The following COMMD6 variants were observed in gnomAD, a reference collection of about 807,000 sequenced individuals.
COMMD6 encodes the protein COMM domain-containing protein 6.
Under a neutral mutation model 13.4 loss-of-function variants are expected in COMMD6, and 11 were observed. The ratio of observed to expected loss-of-function variants is 0.82; its 90% CI spans 0.52 to 1.36. The LOEUF (loss-of-function observed/expected upper bound fraction) is 1.36, where lower values mean the gene tolerates loss of function less well. COMMD6 is among the 40% of genes most tolerant of loss of function. The pLI is 0.00. For synonymous variants in COMMD6, 43 were observed against 36.5 expected (o/e 1.18, Z -0.64); for missense variants, 124 against 102.4 (o/e 1.21, Z -0.91).
At chr13:75,528,138 A>G (rs912648551) in intron 3 of COMMD6, among the ~76,000 whole-genome samples, 11 of 151,956 alleles carry the variant, frequency 7.2e-5, no homozygotes, top group Non-Finnish European at 1.3e-4. Flanking sequence ...ATCTTTTATC[A>G]TATCATCACA....
At chr13:75,540,348 A>C (rs1158850949), upstream of COMMD6, among the ~76,000 whole-genome samples, 2 of 146,556 alleles carry the variant, frequency 1.4e-5, no homozygotes, top group African/African-American at 5.3e-5. Context: ...ACACACCCAC[A>C]CACACACACA....
chr13:75,535,218 G>C (rs1002265101), intron 2 of COMMD6, among the ~76,000 whole-genome samples: 2 of 152,224 alleles, frequency 1.3e-5, no homozygotes, highest in Non-Finnish European at 2.9e-5. Context: ...ATGAGGCCCA[G>C]GTGGCTGGAG....
intron 2 of COMMD6, among the ~76,000 whole-genome samples, chr13:75,535,290 C>T (rs897243892): frequency 2.0e-5 from 3 of 152,148 alleles, no homozygotes; most frequent in Non-Finnish European, 4.4e-5. Context: ...CCCTGTAGGC[C>T]ACAGTAAATA....
chr13:75,544,926 CAA>C (rs10708731), intron 1 of COMMD6, among the ~76,000 whole-genome samples: 31 of 104,538 alleles, frequency 3.0e-4, no homozygotes, highest in Middle Eastern at 5.7e-3. Flanking sequence ...ACTCTGTCTC[CAA>C]AAAAAAAAAA....
At chr13:75,546,597 T>C (rs1420801201) in intron 1 of COMMD6, among the ~76,000 whole-genome samples, 1 of 152,186 alleles carries the variant, frequency 6.6e-6, no homozygotes, top group Non-Finnish European at 1.5e-5. Flanking sequence ...AAAATGTAAC[T>C]ATATGCTTAG....
At position 75,537,788 on chromosome 13, in the gene COMMD6, C is replaced by A; in HGVS notation, c.18G>T (p.Glu6Asp). 6.2e-7 allele frequency: 1 copy of A among 1,610,918 alleles called. No individual in the cohort carries two copies. Among genetic ancestry groups the A allele is most frequent in the Non-Finnish European group, 8.5e-7 (1 of 1,177,764 alleles). Residue 6 changes from glutamate to aspartate, a missense_variant, in exon 1 of 4, where the codon GAG (glutamate) becomes GAT (aspartate). Coordinates refer to ENST00000682242, the MANE Select transcript of COMMD6 (RefSeq NM_203495.4). ...CATCGGACTTAGCATCCAGCGGCGG[C>A]TCGCTGGACGCCTCCATGGGCAGCG... MEASS[E>D]PPLDAKSDVT...
At position 75,526,492 on chromosome 13, in the gene COMMD6, T is replaced by G; in HGVS notation, c.*97A>C. The G allele has an allele frequency of 2.4e-6, 2 of 844,614 alleles. No individual in the cohort carries two copies. Among genetic ancestry groups the G allele is most frequent in the Non-Finnish European group, 3.8e-6 (2 of 532,194 alleles). The allele number at this position is 844,614 out of a possible 1,614,324, so 52.3% of individuals were successfully genotyped here. Reference sequence around the variant, plus strand: ...AAATGGAAAAACAAAAGTGCATTTTTCATTCAATAAATGTTCCATCCTTAT... The same window carrying G: ...AAATGGAAAAACAAAAGTGCATTTTGCATTCAATAAATGTTCCATCCTTAT... On this transcript the variant is annotated 3_prime_UTR_variant, in exon 4 of 4. Coordinates refer to ENST00000682242, the MANE Select transcript of COMMD6 (RefSeq NM_203495.4).
chr13:75,535,830 G>C (rs1187441145), intron 2 of COMMD6, among the ~76,000 whole-genome samples: 1 of 152,026 alleles, frequency 6.6e-6, no homozygotes, highest in Non-Finnish European at 1.5e-5. Flanking sequence ...ACCGCTTTTT[G>C]TAATTTTCTT....
intron 2 of COMMD6, among the ~76,000 whole-genome samples, chr13:75,534,326 T>C (rs1318131478): frequency 6.6e-6 from 1 of 152,102 alleles, no homozygotes; most frequent in African/African-American, 2.4e-5. Context: ...AACAGTGAAA[T>C]TGTCAGGTGA....
At chr13:75,546,848 C>T (rs1360558364) in intron 1 of COMMD6, among the ~76,000 whole-genome samples, 2 of 152,194 alleles carry the variant, frequency 1.3e-5, no homozygotes, top group African/African-American at 2.4e-5. Flanking sequence ...AGTTGATGAT[C>T]TATAAAGTTG....
chr13:75,526,470 T>C lies in COMMD6; in HGVS notation c.*119A>G. 1.4e-6 allele frequency: 1 copy of C among 721,314 alleles called. No homozygotes were observed. Among genetic ancestry groups the C allele is most frequent in the Non-Finnish European group, 2.3e-6 (1 of 428,924 alleles). The allele number at this position is 721,314 out of a possible 1,614,324, so 44.7% of individuals were successfully genotyped here. ...GTCTGATTTTTATTATTTAAAAAAA[T>C]GGAAAAACAAAAGTGCATTTTTCAT... On this transcript the variant is annotated 3_prime_UTR_variant, in exon 4 of 4. Coordinates refer to ENST00000682242, the MANE Select transcript of COMMD6 (RefSeq NM_203495.4).
intron 1 of COMMD6, among the ~76,000 whole-genome samples, chr13:75,546,044 C>T (rs2030900427): frequency 6.6e-6 from 1 of 152,176 alleles, no homozygotes; most frequent in South Asian, 2.1e-4. Context: ...ATACCCCATT[C>T]TCCATGATGT....
At chr13:75,543,007 G>C (rs2030850148), upstream of COMMD6, among the ~76,000 whole-genome samples, 1 of 152,238 alleles carries the variant, frequency 6.6e-6, no homozygotes, top group Admixed American at 6.5e-5. Flanking sequence ...AGCCATAAAA[G>C]AGAACAAAAT....
Position 75,537,810 on chromosome 13 carries a change from A to T in COMMD6, c.-5T>A, listed in dbSNP as rs368420185. On this transcript the variant is annotated 5_prime_UTR_variant, in exon 1 of 4. Transcript: ENST00000682242. The stretch of plus-strand genomic sequence containing the variant: ...CGGCTCGCTGGACGCCTCCATGGGC[A>T]GCGTCTGGGACTTGCGGCCCGGACT... 35 of 1,600,596 alleles carry T rather than the reference A, an allele frequency of 2.2e-5. No homozygotes were observed. Among genetic ancestry groups the T allele is most frequent in the Admixed American group, 1.4e-4 (8 of 59,002 alleles).
chr13:75,532,987 G>T (rs1422948445), intron 2 of COMMD6, among the ~76,000 whole-genome samples: 26 of 149,894 alleles, frequency 1.7e-4, no homozygotes, highest in Admixed American at 1.0e-3. Flanking sequence ...CTGGAGTGCA[G>T]TGGCACGATC....
chr13:75,541,320 A>G (rs1312913709), upstream of COMMD6, among the ~76,000 whole-genome samples: 1 of 152,094 alleles, frequency 6.6e-6, no homozygotes, highest in Non-Finnish European at 1.5e-5. Context: ...GAATTGTGAG[A>G]TGTGAATAGC....
intron 3 of COMMD6, chr13:75,527,668 A>G: frequency 1.4e-6 from 1 of 698,900 alleles, no homozygotes; most frequent in Non-Finnish European, 2.0e-6. Flanking sequence ...AATATCACAC[A>G]GCCATAAAAA....
intron 3 of COMMD6, among the ~76,000 whole-genome samples, chr13:75,528,580 G>A (rs575149339): frequency 2.0e-5 from 3 of 152,124 alleles, no homozygotes; most frequent in Non-Finnish European, 2.9e-5. Flanking sequence ...GGCTAAAGTG[G>A]ACGGATCAAC....
At chr13:75,533,092 G>T (rs962393290) in intron 2 of COMMD6, among the ~76,000 whole-genome samples, 8 of 149,888 alleles carry the variant, frequency 5.3e-5, no homozygotes, top group African/African-American at 2.0e-4. Flanking sequence ...CACCATGACG[G>T]GCTAATTTTT....
Sources: allele counts gnomAD v4.1 joint callset (sites outside exome capture counted in the v4.1 genomes callset), GRCh38; gene constraint gnomAD v4.1.1; transcripts MANE v1.5; gene names NCBI Gene and HGNC (gene_info 2026-07-23, HGNC 2026-07-21).